Variants in BMAL2 observed in about 807,000 individuals in gnomAD.
The protein encoded by BMAL2 is basic helix-loop-helix ARNT-like protein 2.
chr12:27,402,398 T>G, the BMAL2 span, among the ~76,000 whole-genome samples: 1 of 152,198 alleles, frequency 6.6e-6, no homozygotes, highest in Non-Finnish European at 1.5e-5. Flanking sequence ...GAGTTTGTTA[T>G]TGTGAGAACA....
At chr12:27,401,341 T>C in the BMAL2 span, 2 of 1,614,008 alleles carry the variant, frequency 1.2e-6, no homozygotes, top group African/African-American at 1.3e-5. Flanking sequence ...ACCACAATAA[T>C]TTGACTGACA....
the BMAL2 span, among the ~76,000 whole-genome samples, chr12:27,407,959 T>C: frequency 3.9e-5 from 6 of 152,204 alleles, no homozygotes; most frequent in South Asian, 1.0e-3. Context: ...GAGAATACTA[T>C]AAACACCTCT....
the BMAL2 span, among the ~76,000 whole-genome samples, chr12:27,373,638 C>G: frequency 1.3e-5 from 2 of 152,000 alleles, no homozygotes; most frequent in Admixed American, 1.3e-4. Context: ...GAAGTGGGAG[C>G]GGCACACAGA....
At chr12:27,359,240 A>G in the BMAL2 span, among the ~76,000 whole-genome samples, 1 of 152,348 alleles carries the variant, frequency 6.6e-6, no homozygotes, top group South Asian at 2.1e-4. Flanking sequence ...GATAGCAGGA[A>G]CTTCCATGTT....
the BMAL2 span, chr12:27,400,701 G>A: frequency 6.2e-6 from 10 of 1,613,686 alleles, no homozygotes; most frequent in Non-Finnish European, 5.1e-6. Context: ...GAACAGTGGA[G>A]AGATTAATGT....
the BMAL2 span, among the ~76,000 whole-genome samples, chr12:27,392,937 T>C: frequency 6.6e-6 from 1 of 152,104 alleles, no homozygotes; most frequent in East Asian, 1.9e-4. Flanking sequence ...CTCTGCCCCC[T>C]ACCCCATCAT....
At chr12:27,408,167 A>G in the BMAL2 span, among the ~76,000 whole-genome samples, 3 of 152,304 alleles carry the variant, frequency 2.0e-5, no homozygotes, top group South Asian at 4.1e-4. Context: ...CAGAGGTACA[A>G]GGAGGAGCTG....
At chr12:27,402,581 C>T in the BMAL2 span, 10 of 1,549,684 alleles carry the variant, frequency 6.5e-6, no homozygotes, top group South Asian at 1.2e-4. Context: ...TTTCCTTCAC[C>T]TTAGAAAGTA....
chr12:27,402,904 C>T, the BMAL2 span, among the ~76,000 whole-genome samples: 56,660 of 151,976 alleles, frequency 0.37, 11,199 homozygotes, highest in East Asian at 0.59. Context: ...CCTCAAAATT[C>T]CCACAGTGCT....
chr12:27,390,829 A>G, the BMAL2 span, among the ~76,000 whole-genome samples: 3 of 152,164 alleles, frequency 2.0e-5, no homozygotes, highest in Non-Finnish European at 4.4e-5. Flanking sequence ...TTTTTTGCCT[A>G]AGAGCATATT....
chr12:27,361,599 C>T, the BMAL2 span, among the ~76,000 whole-genome samples: 1 of 152,170 alleles, frequency 6.6e-6, no homozygotes, highest in Non-Finnish European at 1.5e-5. Flanking sequence ...CACATGGTCT[C>T]ATCTTCTGCA....
chr12:27,425,163 C>T, the BMAL2 span: 1 of 151,704 alleles, frequency 6.6e-6, no homozygotes, highest in African/African-American at 2.4e-5. Context: ...TTCCAGTTCA[C>T]TTGTGCTCGT....
At chr12:27,368,524 T>C in the BMAL2 span, 2 of 1,327,720 alleles carry the variant, frequency 1.5e-6, no homozygotes, top group Non-Finnish European at 2.1e-6. Flanking sequence ...CATTTGGAGA[T>C]GGGAGAGTAC....
At chr12:27,420,328 CA>C in the BMAL2 span, 1 of 1,575,086 alleles carries the variant, frequency 6.3e-7, no homozygotes, top group Non-Finnish European at 8.6e-7. Flanking sequence ...TTTTTAACCT[CA>C]AAATGTGTGA....
chr12:27,402,981 G>A, the BMAL2 span, among the ~76,000 whole-genome samples: 1 of 152,230 alleles, frequency 6.6e-6, no homozygotes, highest in Non-Finnish European at 1.5e-5. Context: ...TTGCTTTCCA[G>A]TAGACAGTTC....
chr12:27,358,297 A>G, the BMAL2 span, among the ~76,000 whole-genome samples: 1 of 152,176 alleles, frequency 6.6e-6, no homozygotes, highest in Non-Finnish European at 1.5e-5. Flanking sequence ...AGAAATGCTC[A>G]ACATCACTAA....
At chr12:27,394,598 T>TATA in the BMAL2 span, 10 of 152,228 alleles carry the variant, frequency 6.6e-5, no homozygotes, top group African/African-American at 2.2e-4. Context: ...AATGAATGAA[T>TATA]ATACATTATA....
the BMAL2 span, among the ~76,000 whole-genome samples, chr12:27,418,945 C>T: frequency 3.8e-3 from 558 of 147,070 alleles, 4 homozygotes; most frequent in African/African-American, 0.013. Context: ...TACTGCTGCA[C>T]TCCAGCATGG....
chr12:27,387,103 C>G, the BMAL2 span: 1 of 665,668 alleles, frequency 1.5e-6, no homozygotes, highest in Non-Finnish European at 2.6e-6. Context: ...TTTACTAGCT[C>G]CATGACTACT....
Sources: gnomAD v4.1 joint callset for allele counts (sites outside exome capture counted in the v4.1 genomes callset) on GRCh38, gnomAD v4.1.1 for gene constraint, MANE v1.5 for transcripts, NCBI Gene and HGNC (gene_info 2026-07-23, HGNC 2026-07-21) for gene names.